RAD51B: variants seen among roughly 807,000 people sequenced by gnomAD.
The protein encoded by RAD51B is DNA repair protein RAD51 homolog 2.
Under a neutral mutation model 42.2 loss-of-function variants are expected in RAD51B, and 38 were observed. That is an observed-to-expected ratio of 0.90 (90% CI 0.70 to 1.18). RAD51B has a LOEUF of 1.18. RAD51B is among the 50% of genes most tolerant of loss of function. RAD51B has a pLI of 0.00. For synonymous variants in RAD51B, 154 were observed against 145.2 expected, an observed-to-expected ratio of 1.06 and a Z score of -0.43; for missense variants, 373 against 400.7, an observed-to-expected ratio of 0.93 and a Z score of 0.59.
At chr14:67,994,313 A>G (rs1252152288) in intron 7 of RAD51B, among the ~76,000 whole-genome samples, 2 of 152,140 alleles carry the variant, frequency 1.3e-5, no homozygotes, top group Non-Finnish European at 2.9e-5. Context: ...CTAGGTAGGC[A>G]AGAATGATCT....
At chr14:68,091,403 G>A (rs142120878) in intron 7 of RAD51B, among the ~76,000 whole-genome samples, 19,206 of 152,180 alleles carry the variant, frequency 0.13, 1,383 homozygotes, top group Middle Eastern at 0.28. Flanking sequence ...ACTAACTGGT[G>A]TGAGATGGTA....
intron 10 of RAD51B, among the ~76,000 whole-genome samples, chr14:68,544,455 G>GT (rs1367481855): frequency 7.2e-5 from 11 of 152,224 alleles, no homozygotes; most frequent in African/African-American, 2.7e-4. Flanking sequence ...CAAGCCAATC[G>GT]TATCTGTTTC....
intron 7 of RAD51B, among the ~76,000 whole-genome samples, chr14:68,100,838 A>G (rs1323247612): frequency 6.6e-6 from 1 of 152,182 alleles, no homozygotes; most frequent in Non-Finnish European, 1.5e-5. Context: ...GCTACCAAAT[A>G]TGTATGCAGG....
At chr14:67,982,495 C>T (rs2075113725) in intron 7 of RAD51B, among the ~76,000 whole-genome samples, 1 of 151,982 alleles carries the variant, frequency 6.6e-6, no homozygotes, top group African/African-American at 2.4e-5. Context: ...TTTATAGTTA[C>T]TAAAATGTTA....
chr14:68,511,320 C>T (rs1282779049), intron 10 of RAD51B, among the ~76,000 whole-genome samples: 1 of 152,214 alleles, frequency 6.6e-6, no homozygotes. Flanking sequence ...TTGGCACCCA[C>T]AGCCCTGAGA....
At chr14:68,343,693 A>G (rs933282330) in intron 8 of RAD51B, among the ~76,000 whole-genome samples, 2 of 152,264 alleles carry the variant, frequency 1.3e-5, no homozygotes, top group African/African-American at 4.8e-5. Flanking sequence ...GAAAAGGCAT[A>G]TCAGAGATCT....
chr14:68,027,202 G>T (rs935408974), intron 7 of RAD51B, among the ~76,000 whole-genome samples: 12 of 152,174 alleles, frequency 7.9e-5, no homozygotes, highest in Admixed American at 4.6e-4. Flanking sequence ...TTTCTGCTTG[G>T]AGGTTCCCTG....
At chr14:68,381,305 A>G (rs902458810) in intron 8 of RAD51B, among the ~76,000 whole-genome samples, 5 of 152,294 alleles carry the variant, frequency 3.3e-5, no homozygotes, top group African/African-American at 1.2e-4. Flanking sequence ...GAATTTACTT[A>G]TGTGAGCTTC....
chr14:68,196,608 C>T (rs1481443564), intron 7 of RAD51B, among the ~76,000 whole-genome samples: 1 of 152,072 alleles, frequency 6.6e-6, no homozygotes, highest in Non-Finnish European at 1.5e-5. Context: ...CCTTATAATT[C>T]CTCTTCCTCC....
intron 10 of RAD51B, among the ~76,000 whole-genome samples, chr14:68,547,098 A>T (rs1277460030): frequency 5.3e-5 from 8 of 152,222 alleles, no homozygotes; most frequent in Non-Finnish European, 8.8e-5. Context: ...CTCCTATTAC[A>T]AATGGCTGTC....
chr14:68,093,681 G>T (rs970128813), intron 7 of RAD51B, among the ~76,000 whole-genome samples: 10 of 151,902 alleles, frequency 6.6e-5, no homozygotes, highest in South Asian at 2.1e-4. Flanking sequence ...TTTGAAGGGT[G>T]TTTTGTGTCT....
At chr14:68,351,068 G>C (rs1000098803) in intron 8 of RAD51B, among the ~76,000 whole-genome samples, 17 of 152,302 alleles carry the variant, frequency 1.1e-4, no homozygotes, top group African/African-American at 3.1e-4. Flanking sequence ...TACGCCCTGA[G>C]GTTGGGGACA....
intron 8 of RAD51B, among the ~76,000 whole-genome samples, chr14:68,344,389 T>C (rs1412801051): frequency 2.0e-5 from 3 of 152,238 alleles, no homozygotes; most frequent in Non-Finnish European, 4.4e-5. Context: ...GGCTCACGCC[T>C]GTAATCCCAG....
intron 8 of RAD51B, among the ~76,000 whole-genome samples, chr14:68,305,609 T>A (rs73272218): frequency 6.6e-6 from 1 of 152,132 alleles, no homozygotes; most frequent in African/African-American, 2.4e-5. Context: ...ATTTTTAATA[T>A]CAGAGGCATT....
At chr14:68,109,932 T>G (rs887097637) in intron 7 of RAD51B, among the ~76,000 whole-genome samples, 4 of 152,020 alleles carry the variant, frequency 2.6e-5, no homozygotes, top group Non-Finnish European at 4.4e-5. Flanking sequence ...CAAAGAGGAA[T>G]ATAGTGTAAA....
intron 9 of RAD51B, among the ~76,000 whole-genome samples, chr14:68,423,993 G>C (rs1330436692): frequency 6.6e-6 from 1 of 152,092 alleles, no homozygotes; most frequent in African/African-American, 2.4e-5. Context: ...CCTTTTCTGT[G>C]CTCTGGGTTT....
At chr14:67,846,331 C>T (rs557180621) in intron 4 of RAD51B, among the ~76,000 whole-genome samples, 121 of 152,228 alleles carry the variant, frequency 7.9e-4, no homozygotes, top group African/African-American at 2.6e-3. Context: ...TGCTGTCCTC[C>T]GTATGCGCGT....
intron 7 of RAD51B, among the ~76,000 whole-genome samples, chr14:68,088,368 T>A: frequency 6.6e-6 from 1 of 152,110 alleles, no homozygotes; most frequent in East Asian, 1.9e-4. Context: ...TTTGGATCGC[T>A]GTCATTTTCC....
intron 10 of RAD51B, among the ~76,000 whole-genome samples, chr14:68,602,502 A>ATAGC (rs139265723): frequency 0.045 from 6,199 of 137,886 alleles, 163 homozygotes; most frequent in East Asian, 0.059. Context: ...GGATGGATGG[A>ATAGC]TAGCTAGATA....
Sources: gnomAD v4.1 joint callset for allele counts (sites outside exome capture counted in the v4.1 genomes callset) on GRCh38, gnomAD v4.1.1 for gene constraint, MANE v1.5 for transcripts, NCBI Gene and HGNC (gene_info 2026-07-23, HGNC 2026-07-21) for gene names.